Variants in MALRD1 observed in about 807,000 individuals in gnomAD.
MALRD1 encodes the protein MAM and LDL-receptor class A domain-containing protein 1.
In MALRD1, 247 loss-of-function variants were observed where a neutral mutation model predicts 242.1. The ratio of observed to expected loss-of-function variants is 1.02; its 90% confidence interval spans 0.92 to 1.13. MALRD1 has a LOEUF of 1.13. Ranked by LOEUF, MALRD1 falls within the 50% of genes most tolerant of loss-of-function variation. The pLI, the probability that MALRD1 is intolerant of heterozygous loss-of-function variation, is 0.00. For missense variants in MALRD1, 2,989 were observed against 2,533.1 expected, an observed-to-expected ratio of 1.18 and a Z score of -3.86; for synonymous variants, 995 against 866.6, an observed-to-expected ratio of 1.15 and a Z score of -2.60.
At chr10:19,219,366 A>G (rs909918814) in intron 18 of MALRD1, among the ~76,000 whole-genome samples, 1 of 152,204 alleles carries the variant, frequency 6.6e-6, no homozygotes, top group African/African-American at 2.4e-5. Context: ...CCTCTAGAAT[A>G]CTGCAAAGAA....
Position 19,194,249 on chromosome 10 carries a change from A to C in MALRD1, c.1952-9479A>C, listed in dbSNP as rs1014061446. Reference sequence around the variant, plus strand: ...TACTTTTAAACATAAACATAAAGAAAATAAACGTAGGTTATTTGTAAGACT... The same window carrying C: ...TACTTTTAAACATAAACATAAAGAACATAAACGTAGGTTATTTGTAAGACT... On this transcript the variant is annotated intron_variant, in intron 14 of 39. Transcript: ENST00000454679. Among the ~76,000 whole-genome samples, 8 of 152,292 alleles carry C rather than the reference A, an allele frequency of 5.3e-5. No individual in the cohort carries two copies. The South Asian group carries it at 6.2e-4, about 12-fold the overall frequency.
At chr10:19,563,382 A>G (rs574084864) in intron 32 of MALRD1, among the ~76,000 whole-genome samples, 2 of 152,130 alleles carry the variant, frequency 1.3e-5, no homozygotes, top group Non-Finnish European at 2.9e-5. Flanking sequence ...AGTGTTTTCA[A>G]ACTAACCCAT....
In MALRD1 at chr10:19,066,756, C is replaced by G; in HGVS notation, c.237C>G (p.Leu79=). ...NYERCDFEDG[L]CHMTQDQSLQ... is the part of the protein sequence containing the mutation. ...AAAGATGTGATTTTGAGGATGGTCT[C>G]TGTCATATGACTCAAGATCAGAGTC... The change falls in exon 2 of 40, where the codon CTC becomes CTG. Residue 79 remains leucine (L), a synonymous_variant. Transcript: ENST00000454679. 1 of 1,233,692 alleles carries G rather than the reference C, an allele frequency of 8.1e-7. No individual in the cohort carries two copies. Among genetic ancestry groups the G allele is most frequent in the East Asian group, 3.2e-5 (1 of 31,676 alleles). 76.4% of individuals were successfully genotyped at this position (1,233,692 alleles called of 1,614,324 possible).
intron 30 of MALRD1, among the ~76,000 whole-genome samples, chr10:19,492,830 T>C (rs1480432224): frequency 6.6e-6 from 1 of 152,174 alleles, no homozygotes; most frequent in Non-Finnish European, 1.5e-5. Flanking sequence ...TAGAGAAGGT[T>C]GTAGGGTGAC....
At chr10:19,662,498 G>A (rs11010986) in intron 36 of MALRD1, among the ~76,000 whole-genome samples, 23,204 of 151,984 alleles carry the variant, frequency 0.15, 3,142 homozygotes, top group African/African-American at 0.36. Context: ...TTCTTTTTGA[G>A]GAATCCAAAG....
chr10:19,706,365 G>C (rs1833864930), intron 38 of MALRD1, among the ~76,000 whole-genome samples: 1 of 151,962 alleles, frequency 6.6e-6, no homozygotes, highest in African/African-American at 2.4e-5. Context: ...GCCCAGGCTA[G>C]AGGCTGGATT....
At chr10:19,143,852 G>C (rs1833634598) in intron 10 of MALRD1, among the ~76,000 whole-genome samples, 1 of 152,148 alleles carries the variant, frequency 6.6e-6, no homozygotes, top group African/African-American at 2.4e-5. Flanking sequence ...GAGAACCGAG[G>C]GATTAGACCA....
intron 18 of MALRD1, among the ~76,000 whole-genome samples, chr10:19,213,608 C>G (rs1449382556): frequency 6.6e-6 from 1 of 152,178 alleles, no homozygotes; most frequent in Non-Finnish European, 1.5e-5. Flanking sequence ...ATGTTCTTAA[C>G]TGATAACTCT....
intron 18 of MALRD1, among the ~76,000 whole-genome samples, chr10:19,226,102 T>G (rs537773641): frequency 6.6e-6 from 1 of 152,276 alleles, no homozygotes; most frequent in East Asian, 1.9e-4. Flanking sequence ...TGCAACATTC[T>G]TAATACAATA....
In MALRD1 at chr10:19,155,060, C is replaced by G; in HGVS notation, c.1559-15C>G. 3.3e-6 allele frequency: 4 copies of G among 1,228,220 alleles called. No individual in the cohort carries two copies. Among genetic ancestry groups the G allele is most frequent in the Non-Finnish European group, 4.1e-6 (4 of 984,954 alleles). The allele number at this position is 1,228,220 out of a possible 1,614,324, so 76.1% of individuals were successfully genotyped here. On this transcript the variant is annotated splice_polypyrimidine_tract_variant and intron_variant, in intron 11 of 39. Transcript: ENST00000454679. The stretch of plus-strand genomic sequence containing the variant: ...GAGAACTTGCATCCCTATGACTTTC[C>G]CTTTGTTTTTTCAGGATCGTTTATT...
intron 1 of MALRD1, among the ~76,000 whole-genome samples, chr10:19,055,956 A>G (rs529441293): frequency 1.3e-3 from 204 of 152,294 alleles, no homozygotes; most frequent in Non-Finnish European, 2.3e-3. Flanking sequence ...CAACTTACCT[A>G]TGTAACAAAC....
At chr10:19,598,583 G>T (rs1838216700) in intron 34 of MALRD1, 1 of 152,122 alleles carries the variant, frequency 6.6e-6, no homozygotes, top group Non-Finnish European at 1.5e-5. Context: ...GTTGGGGGAA[G>T]ATGTGGCTTC....
intron 34 of MALRD1, among the ~76,000 whole-genome samples, chr10:19,602,967 T>A (rs1838435409): frequency 6.6e-6 from 1 of 152,216 alleles, no homozygotes; most frequent in Non-Finnish European, 1.5e-5. Flanking sequence ...CATTTTTTCA[T>A]GTGTCTGTTG....
intron 18 of MALRD1, among the ~76,000 whole-genome samples, chr10:19,248,974 T>C (rs1697356059): frequency 6.8e-6 from 1 of 147,148 alleles, no homozygotes; most frequent in African/African-American, 2.5e-5. Flanking sequence ...TATTTTGTAA[T>C]ATAAATATAT....
intron 29 of MALRD1, among the ~76,000 whole-genome samples, chr10:19,483,158 A>G (rs1403852384): frequency 1.3e-5 from 2 of 151,828 alleles, no homozygotes; most frequent in East Asian, 3.9e-4. Flanking sequence ...AAATTAACTC[A>G]AAATGGATTA....
intron 18 of MALRD1, among the ~76,000 whole-genome samples, chr10:19,215,670 T>G (rs1837277684): frequency 6.6e-6 from 1 of 152,118 alleles, no homozygotes; most frequent in South Asian, 2.1e-4. Context: ...AACTAATGTC[T>G]ACTCCTTCTT....
chr10:19,532,659 C>T (rs531945001), intron 32 of MALRD1, among the ~76,000 whole-genome samples: 1 of 152,148 alleles, frequency 6.6e-6, no homozygotes, highest in African/African-American at 2.4e-5. Context: ...CGAAAAAAGG[C>T]CTTATCAATT....
At chr10:19,580,288 A>G (rs1837047155) in intron 33 of MALRD1, among the ~76,000 whole-genome samples, 1 of 152,194 alleles carries the variant, frequency 6.6e-6, no homozygotes, top group Non-Finnish European at 1.5e-5. Flanking sequence ...GGAATTCTTT[A>G]TAATCCTGGC....
intron 31 of MALRD1, among the ~76,000 whole-genome samples, chr10:19,528,407 A>G (rs1834194535): frequency 6.6e-6 from 1 of 152,164 alleles, no homozygotes; most frequent in Admixed American, 6.5e-5. Context: ...ATCCTGGGCA[A>G]CATGGTGAAA....
Sources: gnomAD v4.1 joint callset for allele counts (sites outside exome capture counted in the v4.1 genomes callset) on GRCh38, gnomAD v4.1.1 for gene constraint, MANE v1.5 for transcripts, NCBI Gene and HGNC (gene_info 2026-07-23, HGNC 2026-07-21) for gene names.